The following MAD1L1 variants were observed in gnomAD, a reference collection of about 807,000 sequenced individuals.
The protein encoded by MAD1L1 is mitotic spindle assembly checkpoint protein MAD1.
In MAD1L1, 95 loss-of-function variants were observed where a neutral mutation model predicts 96.9. That is an observed-to-expected ratio of 0.98 (90% CI 0.83 to 1.16). The LOEUF is 1.16. MAD1L1 is among the 50% of genes most tolerant of loss of function. The probability of loss-of-function intolerance (pLI) is 0.00; values close to 1 mark genes in which losing one functional copy is unlikely to be tolerated. For missense variants in MAD1L1, 1,007 were observed against 954.4 expected (o/e 1.06, Z -0.73); for synonymous variants, 473 against 396.6 (o/e 1.19, Z -2.29).
At chr7:2,193,076 T>C (rs893775836) in intron 10 of MAD1L1, among the ~76,000 whole-genome samples, 4 of 152,152 alleles carry the variant, frequency 2.6e-5, no homozygotes, top group Non-Finnish European at 5.9e-5. Context: ...ACAGTACAAA[T>C]AGACCCGGAG....
At chr7:2,149,389 A>G in intron 10 of MAD1L1, 151 bp from the exon 11 acceptor site, 1 of 681,612 alleles carries the variant, frequency 1.5e-6, no homozygotes, top group Non-Finnish European at 2.7e-6. Context: ...CCAGGGCAGC[A>G]TGCACGCACT....
rs371867113 is a variant in MAD1L1 at position 1,816,056 on chromosome 7, C to G, written c.*14G>C. 1 of 1,601,228 alleles carries G rather than the reference C, an allele frequency of 6.2e-7. No individual in the cohort carries two copies. The highest frequency in any genetic ancestry group is 1.3e-5 in the African/African-American group (1 of 74,762). On this transcript the variant is annotated 3_prime_UTR_variant, in exon 19 of 19. Transcript: ENST00000265854. The stretch of plus-strand genomic sequence containing the variant: ...CAAGCAGAGTGGCTCCGGCTATGCC[C>G]CCGAGCCTGCAGGCTACGCCACGGT...
chr7:2,229,284 A>G (rs1454122569), intron 3 of MAD1L1, among the ~76,000 whole-genome samples: 1 of 152,080 alleles, frequency 6.6e-6, no homozygotes, highest in African/African-American at 2.4e-5. Context: ...GGCTGGAGAC[A>G]CTACTAGCCA....
chr7:2,016,668 C>A (rs912307068), intron 12 of MAD1L1, among the ~76,000 whole-genome samples: 1 of 70,698 alleles, frequency 1.4e-5, no homozygotes, highest in African/African-American at 5.5e-5. Flanking sequence ...CAGGCCGCCA[C>A]GTCTGGGGCT....
At chr7:2,192,287 C>T (rs1791764406) in intron 10 of MAD1L1, among the ~76,000 whole-genome samples, 2 of 152,004 alleles carry the variant, frequency 1.3e-5, no homozygotes, top group Admixed American at 6.6e-5. Context: ...CATGCCACCA[C>T]GCCCAGCTAA....
chr7:2,184,135 C>T (rs1477290364), intron 10 of MAD1L1, among the ~76,000 whole-genome samples: 10 of 151,902 alleles, frequency 6.6e-5, no homozygotes, highest in Non-Finnish European at 1.5e-4. Context: ...GCCTGTAGTC[C>T]CAGCTACTCG....
At chr7:1,885,605 G>A (rs547109055) in intron 18 of MAD1L1, among the ~76,000 whole-genome samples, 87 of 152,268 alleles carry the variant, frequency 5.7e-4, no homozygotes, top group Admixed American at 8.5e-4. Flanking sequence ...TGCAGGGTAC[G>A]GGCTCCCAAA....
chr7:2,004,365 A>C (rs1781935900), intron 13 of MAD1L1, among the ~76,000 whole-genome samples: 1 of 152,244 alleles, frequency 6.6e-6, no homozygotes, highest in African/African-American at 2.4e-5. Flanking sequence ...TGTCCTGGGC[A>C]CACAGGCGGC....
chr7:2,178,494 C>T (rs569891810), intron 10 of MAD1L1, among the ~76,000 whole-genome samples: 2 of 152,324 alleles, frequency 1.3e-5, no homozygotes, highest in East Asian at 3.9e-4. Flanking sequence ...GCTGGAAAGA[C>T]AGGAACCTCA....
chr7:2,072,521 G>A (rs1466060369), intron 11 of MAD1L1, among the ~76,000 whole-genome samples: 1 of 152,196 alleles, frequency 6.6e-6, no homozygotes, highest in African/African-American at 2.4e-5. Flanking sequence ...TTGGGACCCA[G>A]TTCAATTTTA....
chr7:1,944,332 T>C (rs1228131946), intron 16 of MAD1L1, among the ~76,000 whole-genome samples: 1 of 152,180 alleles, frequency 6.6e-6, no homozygotes, highest in African/African-American at 2.4e-5. Flanking sequence ...GTCGCTGAAC[T>C]GCCCCCTTCA....
chr7:2,200,843 C>A (rs1489831514), intron 10 of MAD1L1, among the ~76,000 whole-genome samples: 2 of 152,238 alleles, frequency 1.3e-5, no homozygotes, highest in African/African-American at 2.4e-5. Flanking sequence ...AGAATCAGGG[C>A]ACCTGATTCC....
intron 10 of MAD1L1, among the ~76,000 whole-genome samples, chr7:2,152,036 A>C (rs1230236212): frequency 6.6e-6 from 1 of 150,924 alleles, no homozygotes; most frequent in Non-Finnish European, 1.5e-5. Context: ...GCTCCCCTGC[A>C]CGCTCCTCCT....
Position 1,899,595 on chromosome 7 carries a change from C to G in MAD1L1, c.1808-1205G>C, listed in dbSNP as rs561640662. On this transcript the variant is annotated intron_variant, in intron 17 of 18. Coordinates refer to ENST00000265854, the MANE Select transcript of MAD1L1 (RefSeq NM_001013836.2). ...CATATGGTTGGAGAGAACAAGGGTT[C>G]CAACTCCAGGCAGCGCCCGGGGGGA... Among the ~76,000 whole-genome samples, 19 of 152,322 alleles carry G rather than the reference C, an allele frequency of 1.2e-4. No homozygotes were observed. The South Asian group carries it at 3.9e-3, about 32-fold the overall frequency.
At chr7:2,164,999 G>C (rs981630847) in intron 10 of MAD1L1, among the ~76,000 whole-genome samples, 2 of 152,290 alleles carry the variant, frequency 1.3e-5, no homozygotes, top group East Asian at 3.9e-4. Flanking sequence ...GCTCTAGCTA[G>C]GGAAAGGTGA....
chr7:2,047,551 A>C (rs572651625), intron 12 of MAD1L1, among the ~76,000 whole-genome samples: 1 of 152,352 alleles, frequency 6.6e-6, no homozygotes, highest in South Asian at 2.1e-4. Context: ...TTTAATAACT[A>C]TCACAATGGT....
intron 12 of MAD1L1, among the ~76,000 whole-genome samples, chr7:2,050,587 G>A (rs565245133): frequency 6.6e-6 from 1 of 152,304 alleles, no homozygotes; most frequent in South Asian, 2.1e-4. Context: ...TTCTGACTGA[G>A]GCCAGGGACC....
At chr7:1,985,825 C>T (rs1330437300) in intron 14 of MAD1L1, among the ~76,000 whole-genome samples, 6 of 152,152 alleles carry the variant, frequency 3.9e-5, no homozygotes, top group East Asian at 3.9e-4. Flanking sequence ...TGAGACCCTC[C>T]GGGTCCTGTC....
intron 14 of MAD1L1, among the ~76,000 whole-genome samples, chr7:1,986,597 C>A (rs1781162442): frequency 6.6e-6 from 1 of 152,218 alleles, no homozygotes; most frequent in South Asian, 2.1e-4. Context: ...CTGCTCCAGG[C>A]TTCCCCGGGG....
Sources: gnomAD v4.1 joint callset for allele counts (sites outside exome capture counted in the v4.1 genomes callset) on GRCh38, gnomAD v4.1.1 for gene constraint, MANE v1.5 for transcripts, NCBI Gene and HGNC (gene_info 2026-07-23, HGNC 2026-07-21) for gene names.